The following PRDM9 variants were observed in gnomAD, a reference collection of about 807,000 sequenced individuals.
PRDM9 encodes PR/SET domain 9, also known as histone-lysine N-methyltransferase PRDM9.
PRDM9 carries 47 observed loss-of-function variants against 55.6 expected under a neutral mutation model. That is an observed-to-expected ratio of 0.85 (90% CI 0.67 to 1.08). The LOEUF (loss-of-function observed/expected upper bound fraction) is 1.08. PRDM9 is among the 50% of genes least tolerant of loss of function. The probability of loss-of-function intolerance (pLI) is 0.00; values close to 1 mark genes in which losing one functional copy is unlikely to be tolerated. For missense variants in PRDM9, 867 were observed against 1,040.3 expected (o/e 0.83, Z 2.29); for synonymous variants, 312 against 375.7 (o/e 0.83, Z 1.96).
chr5:23,522,687 T>A lies in PRDM9; in HGVS notation c.684T>A (p.Ser228Arg). ...GGCCCCCTACATTTGTAAAGGACAG[T>A]GCAGTGGACAAGGGGCACCCCAACC... ...AHGPPTFVKD[S>R]AVDKGHPNRS... Residue 228 changes from serine (S) to arginine (R), a missense_variant, in exon 8 of 11, where the codon AGT becomes AGA. Transcript: ENST00000296682. 6.2e-7 allele frequency: 1 copy of A among 1,614,198 alleles called. No individual in the cohort carries two copies. The highest frequency in any genetic ancestry group is 8.5e-7 in the Non-Finnish European group (1 of 1,180,028).
chr5:23,513,630 C>T (rs1739142946), intron 4 of PRDM9, among the ~76,000 whole-genome samples: 1 of 152,082 alleles, frequency 6.6e-6, no homozygotes, highest in South Asian at 2.1e-4. Context: ...GCCTGTAATC[C>T]TAGCACTTTG....
intron 9 of PRDM9, among the ~76,000 whole-genome samples, chr5:23,523,737 A>T (rs1365441850): frequency 4.6e-5 from 7 of 152,196 alleles, no homozygotes; most frequent in African/African-American, 1.7e-4. Flanking sequence ...AGGATGACTC[A>T]GCCCCTTTCC....
At chr5:23,517,160 A>C in intron 4 of PRDM9, among the ~76,000 whole-genome samples, 1 of 150,082 alleles carries the variant, frequency 6.7e-6, no homozygotes, top group Admixed American at 6.6e-5. Flanking sequence ...CTCAAAAAAA[A>C]AAAAAAAAAA....
At chr5:23,516,325 A>C (rs1379985111) in intron 4 of PRDM9, among the ~76,000 whole-genome samples, 3 of 152,158 alleles carry the variant, frequency 2.0e-5, no homozygotes, top group East Asian at 3.9e-4. Flanking sequence ...TTGTTACTAA[A>C]TAGAAACACA....
Position 23,526,878 on chromosome 5 carries a change from C to G in PRDM9, c.1790C>G (p.Thr597Ser), listed in dbSNP as rs74710141. 6.3e-4 allele frequency: 977 copies of G among 1,542,710 alleles called. 12 individuals are homozygous for G. The highest frequency in any genetic ancestry group is 5.5e-3 in the South Asian group (484 of 88,626). ...TTTAGCTGGCAGTCAGTCCTCCTCA[C>G]TCACCAGAGGACACACACAGGGGAG... ...RGFSWQSVLL[T>S]HQRTHTGEKP... is the part of the protein sequence containing the mutation. Residue 597 changes from threonine to serine, a missense_variant, in exon 11 of 11, where the codon ACT becomes AGT. Coordinates refer to ENST00000296682, the MANE Select transcript of PRDM9 (RefSeq NM_020227.4).
chr5:23,521,753 C>G (rs566098219), intron 6 of PRDM9, among the ~76,000 whole-genome samples: 43 of 152,298 alleles, frequency 2.8e-4, no homozygotes, highest in African/African-American at 1.0e-3. Flanking sequence ...CTCTGAGCTC[C>G]TGAATGGTAA....
chr5:23,518,010 C>G (rs1165063289), intron 5 of PRDM9, 80 bp downstream of exon 5: 7 of 1,306,788 alleles, frequency 5.4e-6, no homozygotes, highest in Non-Finnish European at 7.8e-6. Flanking sequence ...AATGTACAGA[C>G]TATCATAGGA....
chr5:23,527,719 T>C lies in PRDM9; in HGVS notation c.2631T>C (p.Tyr877=), dbSNP rs781220784. 3.8e-6 allele frequency: 6 copies of C among 1,580,384 alleles called. No homozygotes were observed. Among genetic ancestry groups the C allele is most frequent in the Non-Finnish European group, 5.1e-6 (6 of 1,165,148 alleles). The change falls in exon 11 of 11, where the codon TAT becomes TAC. Residue 877 remains tyrosine, a synonymous_variant. Coordinates refer to ENST00000296682, the MANE Select transcript of PRDM9 (RefSeq NM_020227.4). The part of the protein sequence containing the change: ...RGFSDRSSLC[Y]HQRTHTGEKP... ...TTAGCGATAGGTCAAGCCTCTGCTA[T>C]CACCAGAGGACACACACAGGGGAGA...
chr5:23,512,678 G>A (rs1157301469), intron 4 of PRDM9, among the ~76,000 whole-genome samples: 4 of 152,134 alleles, frequency 2.6e-5, no homozygotes, highest in East Asian at 3.9e-4. Context: ...ATTTTTAAGT[G>A]TACAACTTTA....
chr5:23,509,785 A>G (rs1739053936), intron 3 of PRDM9, 135 bp from the exon 4 acceptor site: 7 of 1,337,674 alleles, frequency 5.2e-6, no homozygotes, highest in Non-Finnish European at 3.2e-6. Flanking sequence ...CAGAGGTCAC[A>G]TCTTGACCTT....
rs57563669 is a variant in PRDM9, at chr5:23,511,974, C to CT, written c.301+1960dup. On this transcript the variant is annotated intron_variant, in intron 4 of 10. Transcript: ENST00000296682. ...TTCTATATGTTTAAAATTTGTCATT[C>CT]TTTTTTTTTTTTTAAATTGTGTTTG... is the stretch of plus-strand genomic sequence containing the variant. Among the ~76,000 whole-genome samples the CT allele has an allele frequency of 2.9e-3, 412 of 140,144 alleles. 2 individuals carry two copies. Among genetic ancestry groups the CT allele is most frequent in the African/African-American group, 8.6e-3 (323 of 37,542 alleles). The allele number at this position is 140,144 out of a possible 152,430, so 91.9% of individuals were successfully genotyped here.
Position 23,526,321 on chromosome 5 carries a change from C to T in PRDM9, c.1233C>T (p.His411=). The T allele has an allele frequency of 1.2e-6, 2 of 1,614,176 alleles. No individual in the cohort carries two copies. Among genetic ancestry groups the T allele is most frequent in the Non-Finnish European group, 1.7e-6 (2 of 1,180,034 alleles). ...TCAGTCAACATGTAGAACGCAATCA[C>T]TCCTCTCAGAACTTCCCAGGACCAT... is the stretch of plus-strand genomic sequence containing the variant. The part of the protein sequence containing the change: ...KFLSQHVERN[H]SSQNFPGPSA... Residue 411 remains histidine (H), a synonymous_variant, in exon 11 of 11, where the codon CAC becomes CAT. Transcript: ENST00000296682.
intron 4 of PRDM9, among the ~76,000 whole-genome samples, chr5:23,513,811 A>G (rs1579589635): frequency 6.6e-6 from 1 of 151,284 alleles, no homozygotes; most frequent in East Asian, 2.0e-4. Flanking sequence ...CCCGGGAGGC[A>G]GAGGTTTCAG....
chr5:23,520,577 C>T (rs953653429), intron 5 of PRDM9, among the ~76,000 whole-genome samples: 10 of 152,000 alleles, frequency 6.6e-5, no homozygotes, highest in Non-Finnish European at 1.3e-4. Context: ...TTTTGCCAAT[C>T]GTCTCTTTGT....
chr5:23,508,543 G>A (rs1739027886), intron 1 of PRDM9, among the ~76,000 whole-genome samples: 1 of 152,112 alleles, frequency 6.6e-6, no homozygotes, highest in African/African-American at 2.4e-5. Flanking sequence ...TATGCGAAAT[G>A]TTCATTTTGT....
intron 4 of PRDM9, among the ~76,000 whole-genome samples, chr5:23,515,166 T>C (rs1187202634): frequency 1.3e-5 from 2 of 151,936 alleles, no homozygotes; most frequent in African/African-American, 4.8e-5. Flanking sequence ...GGTTTCACCA[T>C]GTTGGCCAGG....
At chr5:23,510,707 T>C (rs1739078757) in intron 4 of PRDM9, among the ~76,000 whole-genome samples, 1 of 151,750 alleles carries the variant, frequency 6.6e-6, no homozygotes, top group South Asian at 2.1e-4. Context: ...GGTCTCACTC[T>C]GTCACCCAGG....
At position 23,510,125 on chromosome 5, in the gene PRDM9, G is replaced by A. The variant is rs1579587854; in HGVS notation, c.301+98G>A. The stretch of plus-strand genomic sequence containing the variant: ...GCTGGGGTGCAATGGCATGATCTTG[G>A]CTCACTGCAATCTCCACCTCCCAGG... On this transcript the variant is annotated intron_variant, in intron 4 of 10. Coordinates refer to ENST00000296682, the MANE Select transcript of PRDM9 (RefSeq NM_020227.4). 4.9e-6 allele frequency: 6 copies of A among 1,225,750 alleles called. No homozygotes were observed. In the East Asian group the frequency reaches 1.6e-4, roughly 32 times the overall value. The allele number at this position is 1,225,750 out of a possible 1,614,324, so 75.9% of individuals were successfully genotyped here. A position where few individuals can be genotyped will look rare whatever the true frequency, so the allele number is the denominator to read the frequency against.
intron 5 of PRDM9, among the ~76,000 whole-genome samples, chr5:23,519,613 G>T: frequency 6.6e-6 from 1 of 151,892 alleles, no homozygotes; most frequent in Non-Finnish European, 1.5e-5. Flanking sequence ...CGCCTGCCTT[G>T]GCCTCCCAAA....
Sources: gnomAD v4.1 joint callset for allele counts (sites outside exome capture counted in the v4.1 genomes callset) on GRCh38, gnomAD v4.1.1 for gene constraint, MANE v1.5 for transcripts, NCBI Gene and HGNC (gene_info 2026-07-23, HGNC 2026-07-21) for gene names.